The following ABCA1 variants were observed in gnomAD, a reference collection of about 807,000 sequenced individuals.
ABCA1 encodes the protein phospholipid-transporting ATPase ABCA1.
Under a neutral mutation model 262.5 loss-of-function variants are expected in ABCA1, and 133 were observed. The observed-to-expected ratio is 0.51, with a 90% CI of 0.44 to 0.59. ABCA1 has a LOEUF of 0.59. Among genes scored for constraint, ABCA1 ranks in the 20% least tolerant of loss-of-function variants. ABCA1 has a pLI of 0.00. For synonymous variants in ABCA1, 1,022 were observed against 1,043.5 expected, an observed-to-expected ratio of 0.98 and a Z score of 0.40; for missense variants, 2,452 against 2,777.5, an observed-to-expected ratio of 0.88 and a Z score of 2.63.
At position 104,825,732 on chromosome 9, in the gene ABCA1, G is replaced by A. The variant is rs1461501232; in HGVS notation, c.2493C>T (p.Asp831=). The A allele has an allele frequency of 6.2e-7, 1 of 1,614,128 alleles. No homozygotes were observed. Among genetic ancestry groups the A allele is most frequent in the Admixed American group, 1.7e-5 (1 of 60,016 alleles). ...AGGTCATCACCCCATAGAGGAAGGT[G>A]TCAAACAGCATCATGGAGACCGAAG... is the stretch of plus-strand genomic sequence containing the variant. The part of the protein sequence containing the change: ...LTTSVSMMLF[D]TFLYGVMTWY... The change falls in exon 17 of 50, where the codon GAC becomes GAT. Residue 831 remains aspartate (D), a synonymous_variant. Coordinates refer to ENST00000374736, the MANE Select transcript of ABCA1 (RefSeq NM_005502.4).
At chr9:104,908,721 T>G (rs937822768) in intron 1 of ABCA1, among the ~76,000 whole-genome samples, 1 of 152,216 alleles carries the variant, frequency 6.6e-6, no homozygotes, top group Non-Finnish European at 1.5e-5. Context: ...AATAAGCTAC[T>G]GTTACATGCG....
At chr9:104,828,422 C>T (rs1423665178) in intron 15 of ABCA1, among the ~76,000 whole-genome samples, 2 of 152,198 alleles carry the variant, frequency 1.3e-5, no homozygotes, top group Non-Finnish European at 2.9e-5. Context: ...CCTCCCTCTG[C>T]CCAATCCTGC....
intron 49 of ABCA1, 68 bp downstream of exon 49, chr9:104,785,328 T>C: frequency 1.3e-6 from 2 of 1,598,164 alleles, no homozygotes; most frequent in East Asian, 2.2e-5. Flanking sequence ...CTTGGACCTA[T>C]GGGCGGGAGT....
chr9:104,880,091 C>T (rs981811359), intron 5 of ABCA1, among the ~76,000 whole-genome samples: 5 of 152,148 alleles, frequency 3.3e-5, no homozygotes, highest in African/African-American at 1.2e-4. Context: ...GAATGGGCTA[C>T]TTAGTGAGTG....
At chr9:104,884,285 C>T in intron 4 of ABCA1, 142 bp downstream of exon 4, 2 of 1,050,696 alleles carry the variant, frequency 1.9e-6, no homozygotes, top group South Asian at 1.4e-5. Flanking sequence ...TCTCCCTTCC[C>T]TCATTCTGCA....
At chr9:104,917,399 T>A (rs1478919468) in intron 1 of ABCA1, among the ~76,000 whole-genome samples, 1 of 152,112 alleles carries the variant, frequency 6.6e-6, no homozygotes, top group Non-Finnish European at 1.5e-5. Context: ...TTGAACCACA[T>A]CATGAGAAAA....
chr9:104,833,820 T>C (rs7019569), intron 11 of ABCA1, among the ~76,000 whole-genome samples: 20,876 of 152,242 alleles, frequency 0.14, 2,284 homozygotes, highest in East Asian at 0.41. Flanking sequence ...CCTTGCCAGT[T>C]GGTTCCTCAC....
chr9:104,821,564 T>C lies in ABCA1; in HGVS notation c.2829-58A>G, dbSNP rs1832351251. 1.9e-6 allele frequency: 3 copies of C among 1,602,634 alleles called. No homozygotes were observed. In the Admixed American group the frequency reaches 5.0e-5, roughly 27 times the overall value. On this transcript the variant is annotated intron_variant, in intron 19 of 49. Transcript: ENST00000374736. The stretch of plus-strand genomic sequence containing the variant: ...GGGTTGACCTACCCTTAACTCTAGA[T>C]GCTCCATTCAGTCTGCAGAGAGAAC...
At chr9:104,794,841 C>T (rs1169965349) in intron 39 of ABCA1, among the ~76,000 whole-genome samples, 1 of 152,152 alleles carries the variant, frequency 6.6e-6, no homozygotes, top group Non-Finnish European at 1.5e-5. Context: ...AAGCAAATTG[C>T]TCATGTCTGG....
At chr9:104,899,900 C>A (rs1840526785) in intron 2 of ABCA1, among the ~76,000 whole-genome samples, 1 of 152,126 alleles carries the variant, frequency 6.6e-6, no homozygotes, top group Admixed American at 6.5e-5. Context: ...CCTTCCTGTC[C>A]CCAGCCCTGT....
chr9:104,822,171 A>G (rs1832421162), intron 19 of ABCA1, among the ~76,000 whole-genome samples: 3 of 152,340 alleles, frequency 2.0e-5, no homozygotes, highest in South Asian at 4.1e-4. Context: ...GCTTAGAGAC[A>G]GAGTTCCTGG....
At chr9:104,814,857 T>C (rs745878593) in intron 25 of ABCA1, among the ~76,000 whole-genome samples, 50 of 152,278 alleles carry the variant, frequency 3.3e-4, no homozygotes, top group African/African-American at 1.2e-3. Context: ...TAGCTGGGCG[T>C]GGTAGCACAT....
chr9:104,864,605 C>T (rs1836921282), intron 5 of ABCA1, among the ~76,000 whole-genome samples: 1 of 152,108 alleles, frequency 6.6e-6, no homozygotes, highest in African/African-American at 2.4e-5. Flanking sequence ...CTCTGTGAAA[C>T]CTCAACAGAA....
At chr9:104,853,038 A>G (rs1835516070) in intron 7 of ABCA1, among the ~76,000 whole-genome samples, 1 of 152,194 alleles carries the variant, frequency 6.6e-6, no homozygotes, top group South Asian at 2.1e-4. Context: ...CTCCTTATCC[A>G]TCTGCTTCTT....
chr9:104,809,889 T>A (rs1223273440), intron 29 of ABCA1, among the ~76,000 whole-genome samples: 1 of 151,942 alleles, frequency 6.6e-6, no homozygotes, highest in Non-Finnish European at 1.5e-5. Context: ...CATTAAGTAT[T>A]TCAAAAGTGC....
chr9:104,911,358 T>C (rs1202188087), intron 1 of ABCA1, among the ~76,000 whole-genome samples: 1 of 152,202 alleles, frequency 6.6e-6, no homozygotes, highest in Non-Finnish European at 1.5e-5. Flanking sequence ...TGTTCTCTAA[T>C]TGCCTCTCTG....
Position 104,861,666 on chromosome 9 carries a change from G to C in ABCA1, c.543+13C>G. The C allele has an allele frequency of 6.2e-7, 1 of 1,614,116 alleles. No homozygotes were observed. The highest frequency in any genetic ancestry group is 2.2e-5 in the East Asian group (1 of 44,878). ...CATCAGCCCTACTGAGGAAGCTGGAGGCATCAGCTTACCTTGTGGAGAATG... is the reference window on the plus strand; with the variant it reads ...CATCAGCCCTACTGAGGAAGCTGGACGCATCAGCTTACCTTGTGGAGAATG... On this transcript the variant is annotated intron_variant, in intron 6 of 49. Transcript: ENST00000374736.
intron 18 of ABCA1, 106 bp from the exon 19 acceptor site, chr9:104,822,773 T>C (rs1832479332): frequency 2.3e-6 from 3 of 1,316,450 alleles, no homozygotes; most frequent in Admixed American, 1.8e-5. Context: ...CTTCTCTCCA[T>C]GTCCACCCTG....
At chr9:104,799,597 G>A (rs1435411921) in intron 36 of ABCA1, 42 of 984,988 alleles carry the variant, frequency 4.3e-5, no homozygotes, top group East Asian at 1.1e-4. Flanking sequence ...TAAATGTTAC[G>A]ATTTTTACAT....
Sources: gnomAD v4.1 joint callset for allele counts (sites outside exome capture counted in the v4.1 genomes callset) on GRCh38, gnomAD v4.1.1 for gene constraint, MANE v1.5 for transcripts, NCBI Gene and HGNC (gene_info 2026-07-23, HGNC 2026-07-21) for gene names.